Variants in RNF11 observed in about 807,000 individuals in gnomAD.
RNF11 encodes the protein ring finger protein 11.
Under a neutral mutation model 15.8 loss-of-function variants are expected in RNF11, and 4 were observed. That is an observed-to-expected ratio of 0.25 (90% CI 0.12 to 0.58). RNF11 has a LOEUF of 0.58. Among genes scored for constraint, RNF11 ranks in the 20% least tolerant of loss-of-function variants. The probability of loss-of-function intolerance (pLI) is 0.91; values close to 1 mark genes in which losing one functional copy is unlikely to be tolerated. For missense variants in RNF11, 139 were observed against 194.4 expected, an observed-to-expected ratio of 0.71 and a Z score of 1.70; for synonymous variants, 68 against 72.3, an observed-to-expected ratio of 0.94 and a Z score of 0.30.
chr1:51,237,091 C>A (rs912149735), intron 1 of RNF11, among the ~76,000 whole-genome samples: 2 of 152,106 alleles, frequency 1.3e-5, no homozygotes, highest in Admixed American at 1.3e-4. Flanking sequence ...ATGATACCCT[C>A]TGCCCTTGAG....
In RNF11 at chr1:51,272,234, A is replaced by G. The variant is rs1265781354; in HGVS notation, c.*912A>G. ...TGAAGGTGGCACCGTGGTGAGACCT[A>G]ATGAGAAATAGTTACTCAGTTGTAA... On this transcript the variant is annotated 3_prime_UTR_variant, in exon 3 of 3. Transcript: ENST00000242719. 1 of 152,622 alleles carries G rather than the reference A, an allele frequency of 6.6e-6. No homozygotes were observed. 9.5% of individuals were successfully genotyped at this position (152,622 alleles called of 1,614,324 possible).
intron 1 of RNF11, among the ~76,000 whole-genome samples, chr1:51,257,617 C>G (rs1342437525): frequency 6.6e-6 from 1 of 151,868 alleles, no homozygotes; most frequent in East Asian, 1.9e-4. Context: ...ACCACCATGC[C>G]CGACTAATTT....
intron 1 of RNF11, among the ~76,000 whole-genome samples, chr1:51,257,853 C>CTTTTTTTTTTT (rs1245365473): frequency 5.8e-4 from 53 of 91,232 alleles, no homozygotes; most frequent in African/African-American, 2.0e-3. Flanking sequence ...CTTTTCTTTT[C>CTTTTTTTTTTT]TTTTTTTTTT....
intron 1 of RNF11, among the ~76,000 whole-genome samples, chr1:51,269,278 T>C (rs936134062): frequency 6.6e-6 from 1 of 152,080 alleles, no homozygotes; most frequent in Non-Finnish European, 1.5e-5. Context: ...TTTTAAATAT[T>C]ATTATAGGCC....
chr1:51,253,088 G>A (rs1197548209), intron 1 of RNF11, among the ~76,000 whole-genome samples: 2 of 151,958 alleles, frequency 1.3e-5, no homozygotes, highest in African/African-American at 4.8e-5. Context: ...GCCTCCCAAC[G>A]TGCTGGGTTT....
chr1:51,252,798 G>T (rs916031917), intron 1 of RNF11, among the ~76,000 whole-genome samples: 12 of 128,682 alleles, frequency 9.3e-5, no homozygotes, highest in South Asian at 2.5e-4. Context: ...GAAGTCTTTT[G>T]TCCAGTTTGT....
At chr1:51,236,968 C>A (rs1487509988) in intron 1 of RNF11, 89 bp downstream of exon 1, 1 of 1,486,244 alleles carries the variant, frequency 6.7e-7, no homozygotes, top group Non-Finnish European at 9.0e-7. Context: ...CCCCTGGCTT[C>A]GGCAAGGCCT....
At chr1:51,260,982 A>G (rs1051689127) in intron 1 of RNF11, among the ~76,000 whole-genome samples, 64 of 152,340 alleles carry the variant, frequency 4.2e-4, no homozygotes, top group African/African-American at 1.5e-3. Flanking sequence ...GGAAATTCAC[A>G]TGCACATGAG....
chr1:51,261,399 T>G (rs894673864), intron 1 of RNF11, among the ~76,000 whole-genome samples: 2 of 152,206 alleles, frequency 1.3e-5, no homozygotes, highest in African/African-American at 4.8e-5. Context: ...CTCCTGTCAT[T>G]GCTGCCAGAA....
chr1:51,268,377 CTTTGT>C (rs1179582392), intron 1 of RNF11, among the ~76,000 whole-genome samples: 1 of 152,104 alleles, frequency 6.6e-6, no homozygotes, highest in African/African-American at 2.4e-5. Context: ...GAGAGGGTTC[CTTTGT>C]TTTAACAAAA....
rs1354549935 is a variant in RNF11 at position 51,250,914 on chromosome 1, C to A, written c.123+14035C>A. ...AGGGATGAGGTGCACCAGTGCAGAGCCGCAGCGGCCTGTCACCTTGCAAGG... is the reference window on the plus strand; with the variant it reads ...AGGGATGAGGTGCACCAGTGCAGAGACGCAGCGGCCTGTCACCTTGCAAGG... On this transcript the variant is annotated intron_variant, in intron 1 of 2. Transcript: ENST00000242719. The A allele has an allele frequency of 2.8e-6, 3 of 1,082,262 alleles. No homozygotes were observed. The Admixed American group carries it at 5.7e-5, about 21-fold the overall frequency. The allele number at this position is 1,082,262 out of a possible 1,614,324, so 67.0% of individuals were successfully genotyped here. A position where few individuals can be genotyped will look rare whatever the true frequency, so the allele number is the denominator to read the frequency against.
chr1:51,244,993 A>ATACT (rs112210148), intron 1 of RNF11, among the ~76,000 whole-genome samples: 3,287 of 152,286 alleles, frequency 0.022, 105 homozygotes, highest in African/African-American at 0.067. Flanking sequence ...TTTTTAGGTA[A>ATACT]TAGTAGAAAC....
In RNF11 at chr1:51,244,387, TTTTG is replaced by T. The variant is rs1275800787; in HGVS notation, c.123+7521_123+7524del. Among the ~76,000 whole-genome samples, 7 of 152,156 alleles carry T rather than the reference TTTTG, an allele frequency of 4.6e-5. No homozygotes were observed. In the East Asian group the frequency reaches 5.8e-4, roughly 13 times the overall value. On this transcript the variant is annotated intron_variant, in intron 1 of 2. Transcript: ENST00000242719. ...ATATATTTTTTGAATTTGTTTTTTT[TTTTG>T]TTTGTTTGTTTGAGACGAAGTCTCG...
chr1:51,243,516 G>A (rs559197140), intron 1 of RNF11, among the ~76,000 whole-genome samples: 13 of 152,242 alleles, frequency 8.5e-5, no homozygotes, highest in Admixed American at 3.9e-4. Context: ...TCAGCTCACT[G>A]CAGCCTCCGC....
At chr1:51,237,337 G>C (rs909930052) in intron 1 of RNF11, among the ~76,000 whole-genome samples, 1 of 150,902 alleles carries the variant, frequency 6.6e-6, no homozygotes, top group Non-Finnish European at 1.5e-5. Context: ...TTGTTAATTG[G>C]ATCTGGCAGG....
At chr1:51,244,378 T>C (rs1248806070) in intron 1 of RNF11, among the ~76,000 whole-genome samples, 1 of 152,000 alleles carries the variant, frequency 6.6e-6, no homozygotes, top group East Asian at 1.9e-4. Context: ...TTTTTGAATT[T>C]GTTTTTTTTT....
chr1:51,258,769 C>T (rs555415080), intron 1 of RNF11, among the ~76,000 whole-genome samples: 27 of 152,284 alleles, frequency 1.8e-4, no homozygotes, highest in African/African-American at 6.5e-4. Flanking sequence ...TTGCCAATCT[C>T]CCTGATAGGC....
intron 1 of RNF11, among the ~76,000 whole-genome samples, chr1:51,257,014 G>C (rs1646906849): frequency 6.6e-6 from 1 of 152,218 alleles, no homozygotes; most frequent in African/African-American, 2.4e-5. Flanking sequence ...CAGTAAATGA[G>C]AGTTTCTGTT....
chr1:51,258,721 G>A (rs1459506242), intron 1 of RNF11, among the ~76,000 whole-genome samples: 3 of 152,146 alleles, frequency 2.0e-5, no homozygotes, highest in Non-Finnish European at 2.9e-5. Context: ...GTGTCCCCGT[G>A]TCTTCTTTTC....
Sources: allele counts gnomAD v4.1 joint callset (sites outside exome capture counted in the v4.1 genomes callset), GRCh38; gene constraint gnomAD v4.1.1; transcripts MANE v1.5; gene names NCBI Gene and HGNC (gene_info 2026-07-23, HGNC 2026-07-21).